The following POFUT3 variants were observed in gnomAD, a reference collection of about 807,000 sequenced individuals.
POFUT3 encodes the protein GDP-fucose protein O-fucosyltransferase 3.
At chr8:33,371,425 C>T in the POFUT3 span, 1 of 152,190 alleles carries the variant, frequency 6.6e-6, no homozygotes, top group Admixed American at 6.5e-5. Flanking sequence ...CTCGTCAATT[C>T]CCCCTCATGC....
At chr8:33,406,534 T>A in the POFUT3 span, among the ~76,000 whole-genome samples, 2 of 152,032 alleles carry the variant, frequency 1.3e-5, no homozygotes, top group Non-Finnish European at 2.9e-5. Context: ...CCTCCCAGGC[T>A]CAAGCAATCC....
the POFUT3 span, among the ~76,000 whole-genome samples, chr8:33,443,291 A>G: frequency 6.6e-6 from 1 of 152,162 alleles, no homozygotes; most frequent in Non-Finnish European, 1.5e-5. Flanking sequence ...ACTTATATCA[A>G]ATTAATACCT....
At chr8:33,427,808 TTTGG>T in the POFUT3 span, among the ~76,000 whole-genome samples, 1 of 152,024 alleles carries the variant, frequency 6.6e-6, no homozygotes, top group Non-Finnish European at 1.5e-5. Context: ...CAAAGCAAGC[TTTGG>T]GGTTGGCAAG....
chr8:33,395,382 G>A, the POFUT3 span, among the ~76,000 whole-genome samples: 1 of 152,088 alleles, frequency 6.6e-6, no homozygotes, highest in African/African-American at 2.4e-5. Context: ...AGAGGCAGCT[G>A]GACATCAGAG....
chr8:33,317,861 A>G, the POFUT3 span, among the ~76,000 whole-genome samples: 1 of 152,016 alleles, frequency 6.6e-6, no homozygotes, highest in Non-Finnish European at 1.5e-5. Context: ...TTCCCCCATC[A>G]GGGCCCCAGG....
At chr8:33,395,011 T>C in the POFUT3 span, among the ~76,000 whole-genome samples, 1 of 152,152 alleles carries the variant, frequency 6.6e-6, no homozygotes, top group South Asian at 2.1e-4. Flanking sequence ...CTATGCTCCT[T>C]ATTGTATGGG....
the POFUT3 span, among the ~76,000 whole-genome samples, chr8:33,451,506 A>G: frequency 6.6e-5 from 10 of 152,008 alleles, no homozygotes; most frequent in Admixed American, 2.6e-4. Context: ...ATGTAGATGT[A>G]TATGTGTGTA....
At chr8:33,462,339 G>A in the POFUT3 span, among the ~76,000 whole-genome samples, 1 of 152,020 alleles carries the variant, frequency 6.6e-6, no homozygotes, top group Non-Finnish European at 1.5e-5. Flanking sequence ...AAGTTTCAAA[G>A]GAGTTTAGAA....
chr8:33,471,191 G>A, the POFUT3 span, among the ~76,000 whole-genome samples: 2 of 152,156 alleles, frequency 1.3e-5, no homozygotes, highest in African/African-American at 2.4e-5. Context: ...ATATCTACCC[G>A]AAATCAACTC....
chr8:33,381,675 T>TTCA, the POFUT3 span, among the ~76,000 whole-genome samples: 1 of 152,142 alleles, frequency 6.6e-6, no homozygotes, highest in African/African-American at 2.4e-5. Flanking sequence ...TTGTTACGAG[T>TTCA]TCATCATCTT....
At chr8:33,350,502 G>C in the POFUT3 span, among the ~76,000 whole-genome samples, 1 of 152,192 alleles carries the variant, frequency 6.6e-6, no homozygotes, top group Non-Finnish European at 1.5e-5. Context: ...CACAAAAATA[G>C]TAGCAGAAGG....
chr8:33,388,950 T>C, the POFUT3 span: 4 of 1,609,204 alleles, frequency 2.5e-6, no homozygotes, highest in Admixed American at 6.7e-5. Flanking sequence ...ATGCCCACCT[T>C]TGATTTGCTT....
the POFUT3 span, among the ~76,000 whole-genome samples, chr8:33,464,919 A>T: frequency 6.6e-6 from 1 of 152,232 alleles, no homozygotes; most frequent in Non-Finnish European, 1.5e-5. Flanking sequence ...AAAAAGGAAT[A>T]CAAATCTATA....
At chr8:33,452,234 A>G in the POFUT3 span, 1 of 152,142 alleles carries the variant, frequency 6.6e-6, no homozygotes, top group African/African-American at 2.4e-5. Flanking sequence ...TAACAATAAC[A>G]TAAACAATGT....
chr8:33,427,685 C>G, the POFUT3 span, among the ~76,000 whole-genome samples: 1 of 152,222 alleles, frequency 6.6e-6, no homozygotes, highest in Non-Finnish European at 1.5e-5. Flanking sequence ...GACAAGCCCA[C>G]TGCCTGGCCA....
At chr8:33,386,691 T>C in the POFUT3 span, among the ~76,000 whole-genome samples, 1 of 151,988 alleles carries the variant, frequency 6.6e-6, no homozygotes, top group Non-Finnish European at 1.5e-5. Context: ...GTGCCTGTAG[T>C]CCCAGCTACT....
the POFUT3 span, among the ~76,000 whole-genome samples, chr8:33,354,715 C>T: frequency 6.6e-6 from 1 of 152,158 alleles, no homozygotes; most frequent in South Asian, 2.1e-4. Flanking sequence ...AATTAACCAT[C>T]ACATGTTATC....
At chr8:33,344,640 T>C in the POFUT3 span, among the ~76,000 whole-genome samples, 1 of 152,236 alleles carries the variant, frequency 6.6e-6, no homozygotes, top group African/African-American at 2.4e-5. Flanking sequence ...CCTGATCTTC[T>C]TCCTTCACTT....
At chr8:33,417,711 C>T in the POFUT3 span, among the ~76,000 whole-genome samples, 2 of 152,104 alleles carry the variant, frequency 1.3e-5, no homozygotes, top group African/African-American at 4.8e-5. Flanking sequence ...ATCTGGTACT[C>T]GCCTCCTCCA....
Sources: gnomAD v4.1 joint callset for allele counts (sites outside exome capture counted in the v4.1 genomes callset) on GRCh38, gnomAD v4.1.1 for gene constraint, MANE v1.5 for transcripts, NCBI Gene and HGNC (gene_info 2026-07-23, HGNC 2026-07-21) for gene names.